Variants in HIP1 observed in about 807,000 individuals in gnomAD.
The protein encoded by HIP1 is huntingtin-interacting protein 1.
Under a neutral mutation model 147.6 loss-of-function variants are expected in HIP1, and 65 were observed. The observed-to-expected ratio is 0.44, with a 90% confidence interval of 0.36 to 0.54. HIP1 has a LOEUF of 0.54. HIP1 is among the 20% of genes least tolerant of loss of function. HIP1 has a pLI of 0.00. For synonymous variants in HIP1, 479 were observed against 504.0 expected (o/e 0.95, Z 0.67); for missense variants, 1,061 against 1,299.6 (o/e 0.82, Z 2.82).
chr7:75,651,454 A>G (rs1179604), intron 1 of HIP1, among the ~76,000 whole-genome samples: 66,254 of 123,286 alleles, frequency 0.54, 18,749 homozygotes, highest in African/African-American at 0.71. Context: ...GTGAGACTCC[A>G]TATCTCAAAA....
At chr7:75,553,418 A>G (rs782101132) in intron 22 of HIP1, 35 bp downstream of exon 22, 11 of 1,606,822 alleles carry the variant, frequency 6.8e-6, no homozygotes, top group Non-Finnish European at 6.0e-6. Context: ...ACCCAGAAGA[A>G]TAACAATGCT....
At chr7:75,658,420 G>A (rs1430341178) in intron 1 of HIP1, among the ~76,000 whole-genome samples, 10 of 152,124 alleles carry the variant, frequency 6.6e-5, no homozygotes, top group African/African-American at 2.4e-4. Flanking sequence ...AATTCTGGAG[G>A]GTGGAGAACA....
chr7:75,723,069 A>G (rs1801546486), intron 1 of HIP1, among the ~76,000 whole-genome samples: 1 of 152,140 alleles, frequency 6.6e-6, no homozygotes, highest in Non-Finnish European at 1.5e-5. Flanking sequence ...TTCATTTTCT[A>G]TCACTGTTGT....
chr7:75,665,678 T>C (rs1799535753), intron 1 of HIP1, among the ~76,000 whole-genome samples: 1 of 152,084 alleles, frequency 6.6e-6, no homozygotes, highest in African/African-American at 2.4e-5. Flanking sequence ...TAGCTGGGAT[T>C]GCAGGCATGC....
chr7:75,549,140 G>A (rs1006440389), intron 22 of HIP1, 139 bp from the exon 23 acceptor site: 32 of 581,370 alleles, frequency 5.5e-5, no homozygotes, highest in African/African-American at 4.7e-4. Context: ...TTGTGGGGGG[G>A]TCTTTTGCAG....
intron 1 of HIP1, among the ~76,000 whole-genome samples, chr7:75,688,432 G>C (rs1222509871): frequency 6.6e-6 from 1 of 152,020 alleles, no homozygotes; most frequent in Non-Finnish European, 1.5e-5. Context: ...GCAGGGGGTG[G>C]GGGGGATGAG....
chr7:75,719,331 C>T (rs4731965), intron 1 of HIP1, among the ~76,000 whole-genome samples: 151,964 of 152,008 alleles, frequency 1, 75,960 homozygotes, highest in Middle Eastern at 1. Context: ...GGTGAAACCC[C>T]GTCTCTACTA....
chr7:75,629,946 G>C (rs1798158878), intron 1 of HIP1, among the ~76,000 whole-genome samples: 1 of 152,126 alleles, frequency 6.6e-6, no homozygotes, highest in Non-Finnish European at 1.5e-5. Flanking sequence ...ATTGCTTGAG[G>C]CCAGCAGTTC....
intron 1 of HIP1, among the ~76,000 whole-genome samples, chr7:75,641,804 T>G (rs1798664068): frequency 6.6e-6 from 1 of 152,212 alleles, no homozygotes; most frequent in Non-Finnish European, 1.5e-5. Context: ...CAATCTGTTC[T>G]TCCTCCTGTT....
rs184011680 is a variant in HIP1 at position 75,542,978 on chromosome 7, C to T, written c.2767-4G>A. ...GGCTGTCCTTATCAGCTTTCACCTACCAGGACAAAGCAGATTTAGGTTCAT... is the reference window on the plus strand; with the variant it reads ...GGCTGTCCTTATCAGCTTTCACCTATCAGGACAAAGCAGATTTAGGTTCAT... On this transcript the variant is annotated splice_polypyrimidine_tract_variant and splice_region_variant and intron_variant, in intron 27 of 30. Transcript: ENST00000336926. The T allele has an allele frequency of 2.9e-4, 472 of 1,611,500 alleles. No homozygotes were observed. Among genetic ancestry groups the T allele is most frequent in the Middle Eastern group, 6.6e-4 (4 of 6,038 alleles).
chr7:75,544,832 C>T (rs959871465), intron 26 of HIP1, 32 bp from the exon 27 acceptor site: 14 of 1,371,768 alleles, frequency 1.0e-5, no homozygotes, highest in East Asian at 4.6e-5. Flanking sequence ...GACTAGGTTA[C>T]GGGCAAATGA....
intron 1 of HIP1, among the ~76,000 whole-genome samples, chr7:75,672,263 C>T (rs2117247822): frequency 6.6e-6 from 1 of 151,108 alleles, no homozygotes; most frequent in African/African-American, 2.4e-5. Context: ...GGTATCAATT[C>T]CTTATCCAAT....
At chr7:75,580,329 G>A (rs1795991397) in intron 7 of HIP1, among the ~76,000 whole-genome samples, 1 of 152,206 alleles carries the variant, frequency 6.6e-6, no homozygotes, top group Non-Finnish European at 1.5e-5. Context: ...TCCAGTGGCT[G>A]GCAAAGAGGT....
intron 1 of HIP1, among the ~76,000 whole-genome samples, chr7:75,695,794 C>T (rs562740228): frequency 1.3e-5 from 2 of 152,122 alleles, no homozygotes; most frequent in South Asian, 2.1e-4. Flanking sequence ...AGGCTGGTCT[C>T]GAACTCCTGA....
chr7:75,581,157 C>T, intron 7 of HIP1, 80 bp downstream of exon 7: 3 of 1,084,002 alleles, frequency 2.8e-6, no homozygotes, highest in Non-Finnish European at 2.8e-6. Flanking sequence ...CCTTGTGCTG[C>T]ACACTTTGCA....
chr7:75,573,624 A>C, intron 8 of HIP1, 137 bp downstream of exon 8: 1 of 841,356 alleles, frequency 1.2e-6, no homozygotes, highest in East Asian at 2.6e-5. Context: ...AATGGTCAGA[A>C]GCTCCGGGGC....
intron 1 of HIP1, among the ~76,000 whole-genome samples, chr7:75,605,072 C>T (rs587713676): frequency 1.3e-5 from 2 of 152,276 alleles, no homozygotes; most frequent in East Asian, 1.9e-4. Context: ...GGAGGGATAA[C>T]TCGGCCCAGC....
intron 7 of HIP1, among the ~76,000 whole-genome samples, chr7:75,575,360 T>G (rs1795809168): frequency 6.6e-6 from 1 of 151,882 alleles, no homozygotes; most frequent in African/African-American, 2.4e-5. Flanking sequence ...CTTGGGAGGC[T>G]GAGGCAGGAG....
At chr7:75,559,645 A>C in intron 14 of HIP1, 87 bp downstream of exon 14, 1 of 1,062,224 alleles carries the variant, frequency 9.4e-7, no homozygotes, top group Non-Finnish European at 1.3e-6. Context: ...TCCCCCACCC[A>C]GCCTCTGTGC....
Sources: gnomAD v4.1 joint callset for allele counts (sites outside exome capture counted in the v4.1 genomes callset) on GRCh38, gnomAD v4.1.1 for gene constraint, MANE v1.5 for transcripts, NCBI Gene and HGNC (gene_info 2026-07-23, HGNC 2026-07-21) for gene names.